Variants in TENM3 observed in about 807,000 individuals in gnomAD.
The protein encoded by TENM3 is teneurin transmembrane protein 3.
In TENM3, 63 loss-of-function variants were observed where a neutral mutation model predicts 255.1. The ratio of observed to expected loss-of-function variants is 0.25; its 90% CI spans 0.20 to 0.30. The LOEUF (loss-of-function observed/expected upper bound fraction) is 0.30. Among genes scored for constraint, TENM3 ranks in the 10% least tolerant of loss-of-function variants. The probability of loss-of-function intolerance (pLI) is 1.00; values close to 1 mark genes in which losing one functional copy is unlikely to be tolerated. For missense variants in TENM3, 2,929 were observed against 3,461.1 expected, an observed-to-expected ratio of 0.85 and a Z score of 3.86; for synonymous variants, 1,306 against 1,322.3, an observed-to-expected ratio of 0.99 and a Z score of 0.27.
intron 3 of TENM3, among the ~76,000 whole-genome samples, chr4:182,499,698 A>T (rs1339509037): frequency 1.3e-5 from 2 of 152,184 alleles, no homozygotes; most frequent in African/African-American, 4.8e-5. Flanking sequence ...CATTGCTCAC[A>T]GCACCTAAGA....
At position 182,600,828 on chromosome 4, in the gene TENM3, A is replaced by G. The variant is rs1451517237; in HGVS notation, c.512-96A>G. ...TATATGCAGTTTTTAATTCTAATTC[A>G]TCTGCAGTGGATCCCCAAGAAATTG... On this transcript the variant is annotated intron_variant, in intron 3 of 27. Transcript: ENST00000511685. 7.0e-6 allele frequency: 4 copies of G among 574,812 alleles called. No homozygotes were observed. The Admixed American group carries it at 1.1e-4, about 16-fold the overall frequency. 35.6% of individuals were successfully genotyped at this position (574,812 alleles called of 1,614,324 possible).
the TENM3 span, among the ~76,000 whole-genome samples, chr4:181,704,042 G>A: frequency 2.0e-5 from 3 of 152,182 alleles, no homozygotes; most frequent in African/African-American, 7.2e-5. Flanking sequence ...CTTCTGCAAT[G>A]AGGGAGGTGG....
At chr4:181,453,694 A>G in the TENM3 span, among the ~76,000 whole-genome samples, 1 of 152,170 alleles carries the variant, frequency 6.6e-6, no homozygotes, top group South Asian at 2.1e-4. Context: ...GGATGTTCAT[A>G]AATAGCGCTG....
intron 27 of TENM3, among the ~76,000 whole-genome samples, chr4:182,797,178 G>A (rs76789485): frequency 0.17 from 26,477 of 152,124 alleles, 3,100 homozygotes; most frequent in African/African-American, 0.33. Flanking sequence ...GGGGGCTCAC[G>A]CCTGTAATCC....
chr4:182,296,110 C>T (rs1477329112), intron 1 of TENM3, among the ~76,000 whole-genome samples: 4 of 152,026 alleles, frequency 2.6e-5, no homozygotes, highest in Admixed American at 6.6e-5. Flanking sequence ...ATTACAGGCA[C>T]GCACCACCGT....
intron 3 of TENM3, among the ~76,000 whole-genome samples, chr4:182,501,741 T>A (rs941310962): frequency 2.0e-5 from 3 of 152,226 alleles, no homozygotes; most frequent in Non-Finnish European, 4.4e-5. Context: ...TATTATAAGC[T>A]TGTCTGCATA....
the TENM3 span, among the ~76,000 whole-genome samples, chr4:181,529,870 C>G: frequency 6.6e-6 from 1 of 152,148 alleles, no homozygotes; most frequent in African/African-American, 2.4e-5. Context: ...ATGAGGTTGT[C>G]CATAAGCAGA....
At chr4:182,796,399 AGTCT>A (rs774069605) in intron 26 of TENM3, among the ~76,000 whole-genome samples, 2 of 152,216 alleles carry the variant, frequency 1.3e-5, no homozygotes, top group Non-Finnish European at 2.9e-5. Context: ...TGGCTTACCC[AGTCT>A]GTCTGAGCAT....
intron 3 of TENM3, among the ~76,000 whole-genome samples, chr4:182,520,143 A>G (rs946445527): frequency 3.3e-5 from 5 of 152,184 alleles, no homozygotes; most frequent in Admixed American, 2.6e-4. Context: ...ACAGATAGGA[A>G]GGAAGAACGA....
chr4:182,295,502 C>T (rs938817081), intron 1 of TENM3, among the ~76,000 whole-genome samples: 1 of 152,050 alleles, frequency 6.6e-6, no homozygotes, highest in Non-Finnish European at 1.5e-5. Flanking sequence ...CTCCTGACCT[C>T]AGGTGATCTG....
At chr4:182,611,887 C>CT (rs1054300966) in intron 4 of TENM3, among the ~76,000 whole-genome samples, 3 of 152,134 alleles carry the variant, frequency 2.0e-5, no homozygotes, top group Admixed American at 6.6e-5. Context: ...TTGAACTCTT[C>CT]TCCTTTTTGT....
At chr4:181,856,642 A>T in the TENM3 span, among the ~76,000 whole-genome samples, 9 of 151,996 alleles carry the variant, frequency 5.9e-5, no homozygotes, top group Admixed American at 5.2e-4. Flanking sequence ...CCTCCAGCTG[A>T]TACTTCTGGG....
chr4:181,535,199 C>T, the TENM3 span, among the ~76,000 whole-genome samples: 1 of 152,196 alleles, frequency 6.6e-6, no homozygotes, highest in East Asian at 1.9e-4. Context: ...CATCTGCAGC[C>T]TCTTGCCGCT....
intron 5 of TENM3, among the ~76,000 whole-genome samples, chr4:182,651,302 C>A (rs1340542896): frequency 6.6e-6 from 1 of 152,032 alleles, no homozygotes; most frequent in Non-Finnish European, 1.5e-5. Flanking sequence ...AAACACTATG[C>A]AATTTAATGC....
intron 3 of TENM3, among the ~76,000 whole-genome samples, chr4:182,582,051 C>G (rs1745542254): frequency 1.3e-5 from 2 of 152,096 alleles, no homozygotes; most frequent in Admixed American, 6.5e-5. Context: ...ATTTTTTCAT[C>G]TCTGTTCCCC....
At chr4:181,873,088 G>C in the TENM3 span, among the ~76,000 whole-genome samples, 4 of 149,844 alleles carry the variant, frequency 2.7e-5, no homozygotes, top group East Asian at 7.8e-4. Context: ...TTTTTTTCCA[G>C]ATGGAGTATC....
chr4:182,548,892 T>C (rs1326132583), intron 3 of TENM3: 1 of 150,190 alleles, frequency 6.7e-6, no homozygotes, highest in Non-Finnish European at 1.5e-5. Context: ...CTTCCCACCC[T>C]TCCCCATCCC....
intron 1 of TENM3, among the ~76,000 whole-genome samples, chr4:182,172,362 C>T (rs1223789128): frequency 3.9e-5 from 6 of 152,212 alleles, no homozygotes; most frequent in Non-Finnish European, 4.4e-5. Context: ...CAATACAAAA[C>T]AGTATCTAAT....
intron 24 of TENM3, among the ~76,000 whole-genome samples, chr4:182,778,707 G>A (rs1236806446): frequency 6.6e-6 from 1 of 152,148 alleles, no homozygotes; most frequent in South Asian, 2.1e-4. Context: ...TCAAAGTGAT[G>A]TTGTGATTAA....
Sources: allele counts gnomAD v4.1 joint callset (sites outside exome capture counted in the v4.1 genomes callset), GRCh38; gene constraint gnomAD v4.1.1; transcripts MANE v1.5; gene names NCBI Gene and HGNC (gene_info 2026-07-23, HGNC 2026-07-21).